Variants in TMEM132B observed in about 807,000 individuals in gnomAD.
TMEM132B encodes transmembrane protein 132B.
TMEM132B carries 18 observed loss-of-function variants against 90.8 expected under a neutral mutation model. The observed-to-expected ratio is 0.20, with a 90% CI of 0.14 to 0.29. The LOEUF is 0.29. Among genes scored for constraint, TMEM132B ranks in the 10% least tolerant of loss-of-function variants. TMEM132B has a pLI of 1.00. For missense variants in TMEM132B, 1,096 were observed against 1,326.8 expected (o/e 0.83, Z 2.70); for synonymous variants, 504 against 523.3 (o/e 0.96, Z 0.50).
At chr12:125,575,083 T>TATATATATATATATATATATATATATA (rs61155232) in intron 4 of TMEM132B, among the ~76,000 whole-genome samples, 1,184 of 114,400 alleles carry the variant, frequency 0.01, 2 homozygotes, top group Non-Finnish European at 0.016. Flanking sequence ...TATATATATA[T>TATATATATATATATATATATATATATA]TCAGGAGTAG....
intron 1 of TMEM132B, among the ~76,000 whole-genome samples, chr12:125,311,938 A>G (rs2344687): frequency 0.084 from 12,861 of 152,282 alleles, 614 homozygotes; most frequent in Non-Finnish European, 0.1. Flanking sequence ...TGAAGTAGGA[A>G]GTACATGGCA....
In TMEM132B at chr12:125,349,631, G is replaced by T; in HGVS notation, c.247G>T (p.Ala83Ser). ...ARVEPFFIYR[A>S]RTPPIINASY... Reference sequence around the variant, plus strand: ...GGTGGAGCCATTCTTCATCTACCGAGCCAGGACACCCCCTATTATCAATGC... The same window carrying T: ...GGTGGAGCCATTCTTCATCTACCGATCCAGGACACCCCCTATTATCAATGC... The change falls in exon 2 of 9, where the codon GCC (alanine) becomes TCC (serine). Residue 83 changes from alanine to serine, a missense_variant. By Grantham distance (99) the Ala-to-Ser change is moderately conservative. Transcript: ENST00000682704. The surrounding 1 kb of genome is among the most constrained non-coding windows in gnomAD (Gnocchi z 4.1). 3 of 1,614,102 alleles carry T rather than the reference G, an allele frequency of 1.9e-6. No individual in the cohort carries two copies. In the South Asian group the frequency reaches 3.3e-5, roughly 18 times the overall value.
chr12:125,620,188 G>T (rs1886086145), intron 5 of TMEM132B, among the ~76,000 whole-genome samples: 1 of 152,170 alleles, frequency 6.6e-6, no homozygotes, highest in African/African-American at 2.4e-5. Flanking sequence ...TGCCACTGGG[G>T]ATGTATCAAA....
chr12:125,654,457 G>A lies in TMEM132B; in HGVS notation c.2999G>A (p.Ser1000Asn). 6.2e-7 allele frequency: 1 copy of A among 1,613,682 alleles called. No individual in the cohort carries two copies. The highest frequency in any genetic ancestry group is 8.5e-7 in the Non-Finnish European group (1 of 1,179,984). Residue 1000 changes from serine to asparagine, a missense_variant, in exon 9 of 9, where the codon AGT (serine) becomes AAT (asparagine). By Grantham distance (46) the Ser-to-Asn change is conservative. Coordinates refer to ENST00000682704, the MANE Select transcript of TMEM132B (RefSeq NM_001366854.1). This position sits in a 1 kb window ranked among gnomAD's most constrained non-coding sequence, Gnocchi z 5.8. ...GGCAGTTCCCAGAAGACTTTTCATA[G>A]TCAACTACTCAGACCCTCTGACTAT... The part of the protein sequence containing the change: ...LNGSSQKTFH[S>N]QLLRPSDYVY...
At chr12:125,335,519 T>G (rs533722216) in intron 1 of TMEM132B, among the ~76,000 whole-genome samples, 1 of 152,356 alleles carries the variant, frequency 6.6e-6, no homozygotes, top group Admixed American at 6.5e-5. Flanking sequence ...TGAGATGCAC[T>G]GAGGGTTTCT....
intron 1 of TMEM132B, among the ~76,000 whole-genome samples, chr12:125,254,703 G>A: frequency 8.1e-6 from 1 of 122,854 alleles, no homozygotes; most frequent in South Asian, 2.7e-4. Context: ...TTTTTTTTCA[G>A]ATGGAGTTTC....
intron 1 of TMEM132B, among the ~76,000 whole-genome samples, chr12:125,279,454 G>A (rs1027118044): frequency 6.6e-6 from 1 of 152,144 alleles, no homozygotes; most frequent in Admixed American, 6.5e-5. Flanking sequence ...CTGGAATATG[G>A]GTACATGCTA....
intron 1 of TMEM132B, among the ~76,000 whole-genome samples, chr12:125,192,658 C>T (rs1872826054): frequency 6.6e-6 from 1 of 152,190 alleles, no homozygotes; most frequent in Non-Finnish European, 1.5e-5. Flanking sequence ...CCTGTCCCTT[C>T]TAAAGTCCAC....
chr12:125,248,200 G>A (rs1874246087), intron 1 of TMEM132B, among the ~76,000 whole-genome samples: 2 of 152,182 alleles, frequency 1.3e-5, no homozygotes, highest in Admixed American at 1.3e-4. Flanking sequence ...CTGCAATTCT[G>A]AGGTTCCCTG....
At chr12:125,376,431 G>A (rs558023820) in intron 2 of TMEM132B, among the ~76,000 whole-genome samples, 2 of 152,314 alleles carry the variant, frequency 1.3e-5, no homozygotes, top group African/African-American at 4.8e-5. Flanking sequence ...GGATGCCTGA[G>A]GACTGGGAAC....
At chr12:125,519,768 C>A (rs1883260449) in intron 4 of TMEM132B, 143 bp downstream of exon 4, 2 of 830,222 alleles carry the variant, frequency 2.4e-6, no homozygotes, top group South Asian at 1.7e-5. Context: ...GATCTACCTG[C>A]TTTTCATAAT....
At chr12:125,328,549 G>A (rs929606511) in intron 1 of TMEM132B, among the ~76,000 whole-genome samples, 2 of 152,116 alleles carry the variant, frequency 1.3e-5, no homozygotes, top group Non-Finnish European at 2.9e-5. Flanking sequence ...TCAGCTTCTG[G>A]TGGCTCCAGG....
chr12:125,566,062 T>A (rs1884651386), intron 4 of TMEM132B, among the ~76,000 whole-genome samples: 1 of 152,234 alleles, frequency 6.6e-6, no homozygotes, highest in Non-Finnish European at 1.5e-5. Context: ...TTAGGGAAAT[T>A]GTGTAAGTTT....
intron 3 of TMEM132B, among the ~76,000 whole-genome samples, chr12:125,416,202 G>A (rs910619358): frequency 1.3e-5 from 2 of 152,180 alleles, no homozygotes; most frequent in South Asian, 2.1e-4. Context: ...AGGTGATCAC[G>A]TGTCACCTCA....
chr12:125,466,581 G>T (rs181691583), intron 3 of TMEM132B, among the ~76,000 whole-genome samples: 3 of 152,306 alleles, frequency 2.0e-5, no homozygotes, highest in Non-Finnish European at 2.9e-5. Context: ...CCAGGCTGGC[G>T]TTTCTGAATT....
chr12:125,281,461 C>T (rs1173135623), intron 1 of TMEM132B, among the ~76,000 whole-genome samples: 1 of 152,180 alleles, frequency 6.6e-6, no homozygotes, highest in Non-Finnish European at 1.5e-5. Context: ...AAGCCCACCC[C>T]GGTGGCTTTG....
At chr12:125,573,996 T>A (rs1298222156) in intron 4 of TMEM132B, among the ~76,000 whole-genome samples, 2 of 152,210 alleles carry the variant, frequency 1.3e-5, no homozygotes, top group African/African-American at 4.8e-5. Context: ...TTTTATACTG[T>A]GGACCTGTAC....
At chr12:125,605,494 G>A (rs1885671834) in intron 5 of TMEM132B, among the ~76,000 whole-genome samples, 1 of 152,206 alleles carries the variant, frequency 6.6e-6, no homozygotes, top group African/African-American at 2.4e-5. Flanking sequence ...GAGGCAGAGA[G>A]ACAGGCCTGG....
At chr12:125,557,308 G>A (rs1884414836) in intron 4 of TMEM132B, among the ~76,000 whole-genome samples, 1 of 151,994 alleles carries the variant, frequency 6.6e-6, no homozygotes, top group Admixed American at 6.6e-5. Context: ...AGAAGACTGG[G>A]GTCTCTGTGA....
Sources: gnomAD v4.1 joint callset for allele counts (sites outside exome capture counted in the v4.1 genomes callset) on GRCh38, gnomAD v4.1.1 for gene constraint, Gnocchi (gnomAD v3.1) non-coding constraint, MANE v1.5 for transcripts, NCBI Gene and HGNC (gene_info 2026-07-23, HGNC 2026-07-21) for gene names.